Variants in TEX2 observed in about 807,000 individuals in gnomAD.
TEX2 encodes the protein testis expressed 2, also known as testis-expressed protein 2.
TEX2 carries 53 observed loss-of-function variants against 106.9 expected under a neutral mutation model. The ratio of observed to expected loss-of-function variants is 0.50; its 90% CI spans 0.40 to 0.62. The LOEUF (loss-of-function observed/expected upper bound fraction) is 0.62. Among genes scored for constraint, TEX2 ranks in the 20% least tolerant of loss-of-function variants. TEX2 has a pLI of 0.00. For synonymous variants in TEX2, 523 were observed against 534.8 expected, an observed-to-expected ratio of 0.98 and a Z score of 0.30; for missense variants, 1,207 against 1,379.0, an observed-to-expected ratio of 0.88 and a Z score of 1.98.
At chr17:64,192,810 G>A (rs1347131965) in intron 4 of TEX2, among the ~76,000 whole-genome samples, 2 of 151,856 alleles carry the variant, frequency 1.3e-5, no homozygotes, top group African/African-American at 4.8e-5. Context: ...CATAACTCCC[G>A]GATCAACACA....
intron 2 of TEX2, among the ~76,000 whole-genome samples, chr17:64,208,231 T>C (rs2032896533): frequency 6.6e-6 from 1 of 152,122 alleles, no homozygotes; most frequent in African/African-American, 2.4e-5. Context: ...GTTTTGTTTT[T>C]GTTTTTGTTT....
chr17:64,203,896 C>T (rs2032748977), intron 2 of TEX2, among the ~76,000 whole-genome samples: 1 of 152,188 alleles, frequency 6.6e-6, no homozygotes, highest in Admixed American at 6.5e-5. Flanking sequence ...TCCTGCTCTC[C>T]TATCCTCCAG....
intron 5 of TEX2, among the ~76,000 whole-genome samples, chr17:64,184,207 T>C (rs1446530353): frequency 1.3e-5 from 2 of 152,210 alleles, no homozygotes; most frequent in Non-Finnish European, 2.9e-5. Flanking sequence ...CGAGCAATTC[T>C]GATTCAGCCT....
In TEX2 at chr17:64,147,412, T is replaced by A. The variant is rs75055845; in HGVS notation, c.*1557A>T. ...GTGCCCCTATCTGAACAGGATTCCG[T>A]AGAAATGACTTAGATGCTTATCTAG... On this transcript the variant is annotated 3_prime_UTR_variant, in exon 12 of 12. Coordinates refer to ENST00000584379, the MANE Select transcript of TEX2 (RefSeq NM_001288732.2). The A allele has an allele frequency of 6.6e-6, 1 of 152,154 alleles. No homozygotes were observed. The highest frequency in any genetic ancestry group is 2.4e-5 in the African/African-American group (1 of 41,426). 9.4% of individuals were successfully genotyped at this position (152,154 alleles called of 1,614,324 possible). A position where few individuals can be genotyped will look rare whatever the true frequency, so the allele number is the denominator to read the frequency against.
chr17:64,258,398 C>A, intron 1 of TEX2, among the ~76,000 whole-genome samples: 1 of 152,088 alleles, frequency 6.6e-6, no homozygotes, highest in South Asian at 2.1e-4. Flanking sequence ...GCTATCAGTC[C>A]TTGACCTTGC....
At chr17:64,209,306 C>G (rs1477775316) in intron 2 of TEX2, among the ~76,000 whole-genome samples, 1 of 152,216 alleles carries the variant, frequency 6.6e-6, no homozygotes, top group Non-Finnish European at 1.5e-5. Flanking sequence ...TTGTAACAGA[C>G]AGCATATCCT....
chr17:64,259,425 A>G (rs188755198), intron 1 of TEX2, among the ~76,000 whole-genome samples: 11 of 152,372 alleles, frequency 7.2e-5, no homozygotes, highest in African/African-American at 2.4e-4. Context: ...TCACAACAGC[A>G]TGGGCTTCCA....
At chr17:64,249,043 A>T (rs1411834924) in intron 1 of TEX2, among the ~76,000 whole-genome samples, 1 of 151,890 alleles carries the variant, frequency 6.6e-6, no homozygotes, top group South Asian at 2.1e-4. Context: ...TCAAAGAAAA[A>T]AAAAAAAAGG....
At chr17:64,231,612 T>G (rs781895992) in intron 1 of TEX2, among the ~76,000 whole-genome samples, 11 of 152,230 alleles carry the variant, frequency 7.2e-5, no homozygotes, top group Non-Finnish European at 1.6e-4. Context: ...GATGTGTTTG[T>G]CATTATTAAG....
chr17:64,256,702 C>T (rs1274364269), intron 1 of TEX2, among the ~76,000 whole-genome samples: 1 of 152,160 alleles, frequency 6.6e-6, no homozygotes, highest in Non-Finnish European at 1.5e-5. Context: ...CAGGAAGGAA[C>T]CACATCTGTT....
At chr17:64,202,086 C>A (rs1598173472) in intron 2 of TEX2, among the ~76,000 whole-genome samples, 1 of 117,478 alleles carries the variant, frequency 8.5e-6, no homozygotes, top group East Asian at 3.7e-4. Context: ...AAAAGAAAAA[C>A]CAAGGTAAAA....
rs577996160 is a variant in TEX2, at chr17:64,152,821, T to C, written c.3140+124A>G. ...AACTAATATTAAGGTCCCATGAAAA[T>C]TGTTTGGAAGTGCTTCTGCCCGGGA... is the stretch of plus-strand genomic sequence containing the variant. On this transcript the variant is annotated intron_variant, in intron 10 of 11. Coordinates refer to ENST00000584379, the MANE Select transcript of TEX2 (RefSeq NM_001288732.2). 1.1e-4 allele frequency: 93 copies of C among 884,836 alleles called. 1 individual carries two copies. The highest frequency in any genetic ancestry group is 1.5e-4 in the Non-Finnish European group (86 of 577,756). The allele number at this position is 884,836 out of a possible 1,614,324, so 54.8% of individuals were successfully genotyped here.
rs1055043797 is a variant in TEX2, at chr17:64,153,228, G to A, written c.2931-74C>T. The A allele has an allele frequency of 1.3e-5, 13 of 1,034,416 alleles. No homozygotes were observed. Among genetic ancestry groups the A allele is most frequent in the African/African-American group, 3.3e-5 (2 of 60,896 alleles). The allele number at this position is 1,034,416 out of a possible 1,614,324, so 64.1% of individuals were successfully genotyped here. On this transcript the variant is annotated intron_variant, in intron 9 of 11. Transcript: ENST00000584379. This position sits in a 1 kb window ranked among gnomAD's most constrained non-coding sequence, Gnocchi z 4.1. The stretch of plus-strand genomic sequence containing the variant: ...CACAGACAAAAACCTGTGGCTCTTC[G>A]TTCCCCTTACTTTAGAGCACCACTC...
rs1192603523 is a variant in TEX2 at position 64,263,224 on chromosome 17, C to G, written c.-82G>C. On this transcript the variant is annotated 5_prime_UTR_variant, in exon 1 of 12. Transcript: ENST00000584379. Reference sequence around the variant, plus strand: ...GCCGGCGCCCGTGCTCCCGGCCGCGCGACTCCGGCTTCGGCTGGGGCACCG... The same window carrying G: ...GCCGGCGCCCGTGCTCCCGGCCGCGGGACTCCGGCTTCGGCTGGGGCACCG... 9.1e-4 allele frequency: 137 copies of G among 151,126 alleles called. No homozygotes were observed. Among genetic ancestry groups the G allele is most frequent in the African/African-American group, 3.2e-3 (134 of 41,356 alleles). 9.4% of individuals were successfully genotyped at this position (151,126 alleles called of 1,614,324 possible). A position where few individuals can be genotyped will look rare whatever the true frequency, so the allele number is the denominator to read the frequency against.
At chr17:64,155,004 C>A in intron 8 of TEX2, 37 bp from the exon 9 acceptor site, 2 of 1,514,180 alleles carry the variant, frequency 1.3e-6, no homozygotes, top group Non-Finnish European at 1.8e-6. Flanking sequence ...TGCCTGCCCT[C>A]ACCCAAGCTC....
chr17:64,163,980 T>C (rs1880592), intron 7 of TEX2, among the ~76,000 whole-genome samples: 80,297 of 151,406 alleles, frequency 0.53, 22,945 homozygotes, highest in East Asian at 0.82. Context: ...AATTGAGGAG[T>C]GGGATAATCT....
At position 64,188,427 on chromosome 17, in the gene TEX2, A is replaced by G; in HGVS notation, c.2177-12T>C. The stretch of plus-strand genomic sequence containing the variant: ...TGCAGGCAAAAGCCCTGGAGCCAAG[A>G]AGACGGGGGCTATTCACACAATGAA... On this transcript the variant is annotated splice_polypyrimidine_tract_variant and intron_variant, in intron 4 of 11. Transcript: ENST00000584379. The G allele has an allele frequency of 1.9e-6, 3 of 1,614,026 alleles. No individual in the cohort carries two copies. Among genetic ancestry groups the G allele is most frequent in the Non-Finnish European group, 2.5e-6 (3 of 1,179,960 alleles).
Position 64,217,234 on chromosome 17 carries a change from C to T in TEX2, c.-25-2992G>A, listed in dbSNP as rs917947869. Among the ~76,000 whole-genome samples, 4 of 152,288 alleles carry T rather than the reference C, an allele frequency of 2.6e-5. No individual in the cohort carries two copies. In the East Asian group the frequency reaches 5.8e-4, roughly 22 times the overall value. On this transcript the variant is annotated intron_variant, in intron 1 of 11. Coordinates refer to ENST00000584379, the MANE Select transcript of TEX2 (RefSeq NM_001288732.2). The surrounding 1 kb of genome is among the most constrained non-coding windows in gnomAD (Gnocchi z 4.3). ...ATCAAGTGGTCACTGCCTCTGCCTC[C>T]TCCTGGGGACCACTTCAAGTTCCCT...
chr17:64,192,172 C>T (rs567815284), intron 4 of TEX2, among the ~76,000 whole-genome samples: 48 of 152,318 alleles, frequency 3.2e-4, no homozygotes, highest in Non-Finnish European at 5.7e-4. Context: ...TTCTTTTACT[C>T]AGTGTTATGG....
Sources: gnomAD v4.1 joint callset for allele counts (sites outside exome capture counted in the v4.1 genomes callset) on GRCh38, gnomAD v4.1.1 for gene constraint, Gnocchi (gnomAD v3.1) non-coding constraint, MANE v1.5 for transcripts, NCBI Gene and HGNC (gene_info 2026-07-23, HGNC 2026-07-21) for gene names.